The following MFSD11 variants were observed in gnomAD, a reference collection of about 807,000 sequenced individuals.
The protein encoded by MFSD11 is UNC93-like protein MFSD11.
In MFSD11, 36 loss-of-function variants were observed where a neutral mutation model predicts 53.5. That is an observed-to-expected ratio of 0.67 (90% CI 0.52 to 0.89). The LOEUF is 0.89. Ranked by LOEUF, MFSD11 falls within the 40% of genes least tolerant of loss-of-function variation. The pLI is 0.00. For synonymous variants in MFSD11, 186 were observed against 184.9 expected (o/e 1.01, Z -0.05); for missense variants, 530 against 543.9 (o/e 0.97, Z 0.25).
At chr17:76,800,699 C>G in the MFSD11 span, among the ~76,000 whole-genome samples, 1 of 152,136 alleles carries the variant, frequency 6.6e-6, no homozygotes, top group African/African-American at 2.4e-5. Flanking sequence ...AACTGATTGA[C>G]TGCAGTAAAA....
upstream of MFSD11, chr17:76,736,876 G>C: frequency 6.2e-7 from 1 of 1,611,320 alleles, no homozygotes; most frequent in Non-Finnish European, 8.5e-7. Flanking sequence ...GTGAGTCCGG[G>C]GGGCGGCCGT....
the MFSD11 span, among the ~76,000 whole-genome samples, chr17:76,802,122 T>C: frequency 6.6e-6 from 1 of 151,632 alleles, no homozygotes; most frequent in Admixed American, 6.6e-5. Flanking sequence ...ACAAAAAAAA[T>C]TAGCCAGGTG....
downstream of MFSD11, among the ~76,000 whole-genome samples, chr17:76,780,546 C>T (rs2082137445): frequency 6.7e-6 from 1 of 149,852 alleles, no homozygotes. Context: ...GACAGCGTCT[C>T]ACTCTGTTGC....
At chr17:76,737,626 C>T (rs1011099652), upstream of MFSD11, 1 of 207,966 alleles carries the variant, frequency 4.8e-6, no homozygotes, top group Non-Finnish European at 9.8e-6. Flanking sequence ...AGAGGAGGTG[C>T]TCCCCATCTG....
At chr17:76,768,747 G>A (rs1047909605) in intron 9 of MFSD11, among the ~76,000 whole-genome samples, 4 of 152,128 alleles carry the variant, frequency 2.6e-5, no homozygotes, top group Admixed American at 2.6e-4. Context: ...CACTTTGGGA[G>A]GCCGAGGTGG....
chr17:76,772,323 G>T (rs2081437633), intron 10 of MFSD11, among the ~76,000 whole-genome samples: 1 of 151,656 alleles, frequency 6.6e-6, no homozygotes, highest in South Asian at 2.1e-4. Flanking sequence ...TACTTGGGAG[G>T]CTGAAGTGGG....
the MFSD11 span, among the ~76,000 whole-genome samples, chr17:76,801,382 A>AGG: frequency 6.6e-6 from 1 of 151,332 alleles, no homozygotes; most frequent in Non-Finnish European, 1.5e-5. Flanking sequence ...AAAAAAAAAA[A>AGG]AAAAGGAAAA....
upstream of MFSD11, chr17:76,737,180 G>C (rs779112874): frequency 5.2e-6 from 8 of 1,529,364 alleles, no homozygotes; most frequent in Non-Finnish European, 7.1e-6. Flanking sequence ...TGGCGGCCCG[G>C]AGCCCCGCGA....
chr17:76,780,476 G>A (rs1339552165), downstream of MFSD11, among the ~76,000 whole-genome samples: 4 of 151,090 alleles, frequency 2.6e-5, no homozygotes, highest in African/African-American at 9.7e-5. Context: ...CCTAGGAAGA[G>A]CTCACTTTTG....
chr17:76,783,974 A>C (rs987017140), downstream of MFSD11, among the ~76,000 whole-genome samples: 1 of 151,254 alleles, frequency 6.6e-6, no homozygotes, highest in African/African-American at 2.4e-5. Context: ...AAAAAAAAAG[A>C]AAAAAGGAAG....
intron 7 of MFSD11, among the ~76,000 whole-genome samples, chr17:76,750,806 T>A (rs1258674499): frequency 6.6e-6 from 1 of 151,048 alleles, no homozygotes; most frequent in East Asian, 2.0e-4. Context: ...GGAAATGTAA[T>A]CTTTTTTTTT....
chr17:76,776,000 C>CA (rs1298928223), intron 11 of MFSD11, among the ~76,000 whole-genome samples: 2 of 152,080 alleles, frequency 1.3e-5, no homozygotes, highest in African/African-American at 4.8e-5. Context: ...TATTTTGAGA[C>CA]AGAGTCTCAC....
intron 8 of MFSD11, among the ~76,000 whole-genome samples, chr17:76,759,879 G>T (rs1241286982): frequency 6.7e-6 from 1 of 148,776 alleles, no homozygotes; most frequent in Non-Finnish European, 1.5e-5. Flanking sequence ...CTCCCAAAGT[G>T]CTGGGATTAC....
At chr17:76,744,247 G>T in intron 6 of MFSD11, 75 bp from the exon 7 acceptor site, 1 of 1,406,116 alleles carries the variant, frequency 7.1e-7, no homozygotes, top group Non-Finnish European at 9.5e-7. Flanking sequence ...ACAGTTGTAA[G>T]CAGCCCTTGT....
At chr17:76,769,632 G>T in intron 9 of MFSD11, 114 bp from the exon 10 acceptor site, 1 of 742,422 alleles carries the variant, frequency 1.3e-6, no homozygotes, top group Non-Finnish European at 2.2e-6. Context: ...TTCAGTCTCT[G>T]TGAGTTTTAT....
intron 8 of MFSD11, among the ~76,000 whole-genome samples, chr17:76,755,769 C>T (rs532726189): frequency 2.9e-3 from 84 of 29,400 alleles, no homozygotes; most frequent in South Asian, 7.6e-3. Context: ...TATATATGTA[C>T]GTGTGTGTGT....
At chr17:76,745,717 C>T (rs2078473433) in intron 7 of MFSD11, among the ~76,000 whole-genome samples, 2 of 152,320 alleles carry the variant, frequency 1.3e-5, no homozygotes, top group Admixed American at 6.5e-5. Context: ...TCCTGAGACA[C>T]AGCAATATTG....
chr17:76,758,457 C>G (rs2079867023), intron 8 of MFSD11, among the ~76,000 whole-genome samples: 2 of 151,808 alleles, frequency 1.3e-5, no homozygotes, highest in African/African-American at 4.8e-5. Flanking sequence ...GGGGCATGCA[C>G]TTGCAGCCCC....
intron 9 of MFSD11, 57 bp downstream of exon 9, chr17:76,767,508 A>T: frequency 9.2e-7 from 1 of 1,086,818 alleles, no homozygotes; most frequent in East Asian, 2.4e-5. Flanking sequence ...AAGGAGTTGA[A>T]AACGAGCCAC....
Sources: allele counts gnomAD v4.1 joint callset (sites outside exome capture counted in the v4.1 genomes callset), GRCh38; gene constraint gnomAD v4.1.1; transcripts MANE v1.5; gene names NCBI Gene and HGNC (gene_info 2026-07-23, HGNC 2026-07-21).